LRRC4C: variants seen among roughly 807,000 people sequenced by gnomAD.
LRRC4C encodes the protein leucine-rich repeat-containing protein 4C.
In LRRC4C, 5 loss-of-function variants were observed where a neutral mutation model predicts 33.6. That is an observed-to-expected ratio of 0.15 (90% CI 0.08 to 0.31). LRRC4C has a LOEUF of 0.31. Ranked by LOEUF, LRRC4C falls within the 10% of genes least tolerant of loss-of-function variation. The probability of loss-of-function intolerance (pLI) is 1.00; values close to 1 mark genes in which losing one functional copy is unlikely to be tolerated. For synonymous variants in LRRC4C, 329 were observed against 302.0 expected (o/e 1.09, Z -0.93); for missense variants, 560 against 796.7 (o/e 0.70, Z 3.58).
At chr11:41,322,274 T>A (rs1670724849) in intron 1 of LRRC4C, among the ~76,000 whole-genome samples, 1 of 152,150 alleles carries the variant, frequency 6.6e-6, no homozygotes, top group Admixed American at 6.6e-5. Context: ...ATTTTTGGCA[T>A]GTATAATTGT....
chr11:40,785,579 A>C (rs1950379361), intron 2 of LRRC4C, among the ~76,000 whole-genome samples: 1 of 152,192 alleles, frequency 6.6e-6, no homozygotes, highest in Non-Finnish European at 1.5e-5. Flanking sequence ...GAATTTATAC[A>C]TAGGAATCAG....
At chr11:40,703,903 TA>T (rs1452576751) in intron 2 of LRRC4C, among the ~76,000 whole-genome samples, 1 of 152,128 alleles carries the variant, frequency 6.6e-6, no homozygotes, top group Admixed American at 6.5e-5. Flanking sequence ...ACCATTTTAA[TA>T]AAAAGATTAA....
intron 3 of LRRC4C, among the ~76,000 whole-genome samples, chr11:40,607,051 T>C (rs573585488): frequency 6.6e-6 from 1 of 152,244 alleles, no homozygotes; most frequent in South Asian, 2.1e-4. Context: ...AGAAGTGGAA[T>C]TATATATTTA....
chr11:41,107,947 A>C (rs1028377747), intron 1 of LRRC4C, among the ~76,000 whole-genome samples: 1 of 148,298 alleles, frequency 6.7e-6, no homozygotes. Flanking sequence ...AAAGAAAAGA[A>C]AAGAGAAGAG....
chr11:40,280,863 G>C (rs1297575936), intron 4 of LRRC4C, among the ~76,000 whole-genome samples: 1 of 152,098 alleles, frequency 6.6e-6, no homozygotes, highest in Non-Finnish European at 1.5e-5. Flanking sequence ...TCTTTAATAC[G>C]TAAACAGACG....
rs1951314313 is a variant in LRRC4C, at chr11:40,439,871, C to G, written c.-269-120150G>C. Among the ~76,000 whole-genome samples, 3 of 152,316 alleles carry G rather than the reference C, an allele frequency of 2.0e-5. No individual in the cohort carries two copies. The South Asian group carries it at 6.2e-4, about 32-fold the overall frequency. Reference sequence around the variant, plus strand: ...CCCTACAACTAGTCATGTGGGAAAGCCTCAAGCAGCAGCCTGCTAGACCAA... The same window carrying G: ...CCCTACAACTAGTCATGTGGGAAAGGCTCAAGCAGCAGCCTGCTAGACCAA... On this transcript the variant is annotated intron_variant, in intron 3 of 6. Coordinates refer to ENST00000528697, the MANE Select transcript of LRRC4C (RefSeq NM_001258419.2).
At chr11:41,417,993 T>C (rs77200047) in intron 1 of LRRC4C, among the ~76,000 whole-genome samples, 1,857 of 151,242 alleles carry the variant, frequency 0.012, 121 homozygotes, top group East Asian at 0.11. Context: ...TATATACATA[T>C]ACACACACAC....
chr11:40,537,103 A>T (rs80278672), intron 3 of LRRC4C, among the ~76,000 whole-genome samples: 10,550 of 152,286 alleles, frequency 0.069, 501 homozygotes, highest in South Asian at 0.14. Flanking sequence ...AATTAATGCA[A>T]GTGAGGAAAT....
intron 5 of LRRC4C, among the ~76,000 whole-genome samples, chr11:40,222,666 A>G (rs997809759): frequency 1.3e-5 from 2 of 152,230 alleles, no homozygotes; most frequent in East Asian, 3.8e-4. Context: ...TGTACATTCA[A>G]TAAGTATTTA....
intron 1 of LRRC4C, among the ~76,000 whole-genome samples, chr11:41,255,080 G>T (rs1948756939): frequency 6.6e-6 from 1 of 151,928 alleles, no homozygotes; most frequent in African/African-American, 2.4e-5. Context: ...AAACTAAAGA[G>T]GTAATGCAAG....
chr11:40,525,118 C>G (rs1189224735), intron 3 of LRRC4C, among the ~76,000 whole-genome samples: 1 of 152,008 alleles, frequency 6.6e-6, no homozygotes, highest in African/African-American at 2.4e-5. Context: ...TGAAAGAGAT[C>G]AGCATATGTG....
chr11:40,922,188 C>T (rs561664890), intron 2 of LRRC4C, among the ~76,000 whole-genome samples: 5 of 152,230 alleles, frequency 3.3e-5, no homozygotes, highest in African/African-American at 1.2e-4. Flanking sequence ...CTTTCCCCTT[C>T]CTTCCCTCCC....
intron 2 of LRRC4C, among the ~76,000 whole-genome samples, chr11:40,672,519 C>A (rs1380223563): frequency 6.6e-6 from 1 of 152,184 alleles, no homozygotes; most frequent in East Asian, 1.9e-4. Context: ...GTGATATCAT[C>A]ATTTCTACTT....
intron 2 of LRRC4C, among the ~76,000 whole-genome samples, chr11:40,886,800 T>G (rs974579168): frequency 6.6e-6 from 1 of 151,824 alleles, no homozygotes; most frequent in Non-Finnish European, 1.5e-5. Flanking sequence ...TGTTTGCTCA[T>G]GCACTTTAGT....
At chr11:41,177,836 G>A (rs1945272722) in intron 1 of LRRC4C, among the ~76,000 whole-genome samples, 1 of 152,126 alleles carries the variant, frequency 6.6e-6, no homozygotes, top group Admixed American at 6.5e-5. Context: ...CATGTCTAGA[G>A]GGAAAATGCA....
intron 3 of LRRC4C, among the ~76,000 whole-genome samples, chr11:40,419,484 T>C (rs1168837271): frequency 6.6e-6 from 1 of 152,200 alleles, no homozygotes; most frequent in Non-Finnish European, 1.5e-5. Context: ...TACCAGAAGA[T>C]AGTGGAACAA....
rs935992177 is a variant in LRRC4C at position 40,756,351 on chromosome 11, C to T, written c.-406-108073G>A. Among the ~76,000 whole-genome samples, 25 of 152,214 alleles carry T rather than the reference C, an allele frequency of 1.6e-4. No individual in the cohort carries two copies. In the East Asian group the frequency reaches 1.7e-3, roughly 11 times the overall value. On this transcript the variant is annotated intron_variant, in intron 2 of 6. Coordinates refer to ENST00000528697, the MANE Select transcript of LRRC4C (RefSeq NM_001258419.2). ...TAAAGTATTCTTTTACATAATCCGT[C>T]GCTTTGCTAATTAAAAATGATTCAC...
At chr11:41,143,403 G>C (rs1482967670) in intron 1 of LRRC4C, among the ~76,000 whole-genome samples, 2 of 152,092 alleles carry the variant, frequency 1.3e-5, no homozygotes, top group Non-Finnish European at 2.9e-5. Flanking sequence ...GGCATAGTCT[G>C]ATAAGTAAAT....
intron 3 of LRRC4C, among the ~76,000 whole-genome samples, chr11:40,442,659 T>C (rs1951450099): frequency 6.6e-6 from 1 of 152,200 alleles, no homozygotes; most frequent in Admixed American, 6.5e-5. Context: ...AAGTAGTTTC[T>C]GCAAATTTTA....
Sources: allele counts gnomAD v4.1 joint callset (sites outside exome capture counted in the v4.1 genomes callset), GRCh38; gene constraint gnomAD v4.1.1; transcripts MANE v1.5; gene names NCBI Gene and HGNC (gene_info 2026-07-23, HGNC 2026-07-21).